Variants in MTMR6 observed in about 807,000 individuals in gnomAD.
MTMR6 encodes the protein myotubularin related protein 6, also known as phosphatidylinositol-3,5-bisphosphate 3-phosphatase MTMR6.
In MTMR6, 47 loss-of-function variants were observed where a neutral mutation model predicts 80.1. The observed-to-expected ratio is 0.59, with a 90% confidence interval of 0.46 to 0.75. The LOEUF is 0.75. Ranked by LOEUF, MTMR6 falls within the 30% of genes least tolerant of loss-of-function variation. MTMR6 has a pLI of 0.00. For missense variants in MTMR6, 629 were observed against 730.9 expected, an observed-to-expected ratio of 0.86 and a Z score of 1.61; for synonymous variants, 254 against 253.0, an observed-to-expected ratio of 1.00 and a Z score of -0.04.
chr13:25,268,781 C>A (rs1272340059), intron 2 of MTMR6, among the ~76,000 whole-genome samples: 1 of 152,136 alleles, frequency 6.6e-6, no homozygotes, highest in Non-Finnish European at 1.5e-5. Flanking sequence ...AAGCCCCATA[C>A]CCTACCGAGT....
Position 25,251,844 on chromosome 13 carries a change from T to C in MTMR6, c.1478+9A>G. 3.1e-6 allele frequency: 5 copies of C among 1,604,660 alleles called. No homozygotes were observed. Among genetic ancestry groups the C allele is most frequent in the Non-Finnish European group, 4.2e-6 (5 of 1,177,576 alleles). ...TTCAAGTATAAATACTCCAATGATG[T>C]CAACTTACTTAAAATTGAAAGATAC... On this transcript the variant is annotated intron_variant, in intron 12 of 13. Transcript: ENST00000381801. The surrounding 1 kb of genome is among the most constrained non-coding windows in gnomAD (Gnocchi z 4.1).
rs577715613 is a variant in MTMR6, at chr13:25,260,683, C to T, written c.726+985G>A. ...TTGTGTAGCCCACCAGCTCTGCATG[C>T]GACGCTATAACAAAAATTAAAAGTA... On this transcript the variant is annotated intron_variant, in intron 6 of 13. Coordinates refer to ENST00000381801, the MANE Select transcript of MTMR6 (RefSeq NM_004685.5). 963 of 1,261,448 alleles carry T rather than the reference C, an allele frequency of 7.6e-4. 8 individuals carry two copies. In the South Asian group the frequency reaches 0.011, roughly 15 times the overall value. 78.1% of individuals were successfully genotyped at this position (1,261,448 alleles called of 1,614,324 possible).
chr13:25,275,022 C>T (rs1328986731), intron 1 of MTMR6, among the ~76,000 whole-genome samples: 3 of 91,064 alleles, frequency 3.3e-5, no homozygotes, highest in Non-Finnish European at 5.3e-5. Context: ...TTGCTGCTGG[C>T]GTGGAGAGTG....
intron 13 of MTMR6, 58 bp from the exon 14 acceptor site, chr13:25,249,550 T>G (rs1566033505): frequency 3.9e-6 from 6 of 1,533,978 alleles, no homozygotes; most frequent in South Asian, 1.2e-5. Flanking sequence ...ATATGTTACA[T>G]GAAAAAAGAA....
intron 9 of MTMR6, among the ~76,000 whole-genome samples, chr13:25,254,883 T>C (rs554216850): frequency 6.6e-6 from 1 of 152,116 alleles, no homozygotes; most frequent in South Asian, 2.1e-4. Context: ...TATACTACTT[T>C]TTTTAAGAAA....
intron 8 of MTMR6, among the ~76,000 whole-genome samples, 195 bp from the exon 9 acceptor site, chr13:25,257,516 A>T (rs1182000880): frequency 1.3e-5 from 2 of 152,070 alleles, no homozygotes; most frequent in Non-Finnish European, 2.9e-5. Context: ...AAAAAAAACA[A>T]AGAAAAAATG....
At chr13:25,261,125 T>C (rs1957326492) in intron 6 of MTMR6, among the ~76,000 whole-genome samples, 1 of 151,610 alleles carries the variant, frequency 6.6e-6, no homozygotes, top group Non-Finnish European at 1.5e-5. Context: ...CTGGTCAACA[T>C]GGTGAAACCC....
chr13:25,285,988 T>A (rs1957947901), intron 1 of MTMR6, among the ~76,000 whole-genome samples: 1 of 152,170 alleles, frequency 6.6e-6, no homozygotes, highest in South Asian at 2.1e-4. Context: ...TCCACTCTAG[T>A]CCTCTTTTCC....
At chr13:25,257,569 T>G (rs1593144458) in intron 8 of MTMR6, among the ~76,000 whole-genome samples, 167 bp downstream of exon 8, 1 of 151,984 alleles carries the variant, frequency 6.6e-6, no homozygotes, top group Admixed American at 6.6e-5. Context: ...GTTTCTACAT[T>G]AAGTGCTACA....
Position 25,287,326 on chromosome 13 carries a change from G to C in MTMR6, c.-79C>G, listed in dbSNP as rs1188854059. The C allele has an allele frequency of 1.5e-5, 23 of 1,526,284 alleles. No individual in the cohort carries two copies. The highest frequency in any genetic ancestry group is 2.7e-5 in the African/African-American group (2 of 72,802). The allele number at this position is 1,526,284 out of a possible 1,614,324, so 94.5% of individuals were successfully genotyped here. On this transcript the variant is annotated 5_prime_UTR_variant, in exon 1 of 14. Transcript: ENST00000381801. Reference sequence around the variant, plus strand: ...GAAACAGGGCGGTGACAGCGACAGAGAGCAAGCGGGAACTCCCTCCACCAG... The same window carrying C: ...GAAACAGGGCGGTGACAGCGACAGACAGCAAGCGGGAACTCCCTCCACCAG...
rs370445501 is a variant in MTMR6 at position 25,287,231 on chromosome 13, G to T, written c.17C>A (p.Thr6Lys). 5 of 1,597,824 alleles carry T rather than the reference G, an allele frequency of 3.1e-6. No individual in the cohort carries two copies. The African/African-American group carries it at 6.7e-5, about 21-fold the overall frequency. The change falls in exon 1 of 14, where the codon ACG becomes AAG. Residue 6 changes from threonine (T) to lysine (K), a missense_variant. Physicochemically the swap from Thr to Lys is moderately conservative, Grantham distance 78. Coordinates refer to ENST00000381801, the MANE Select transcript of MTMR6 (RefSeq NM_004685.5). MEHIR[T>K]TKVEQVKLLD... ...GATCCCGCGCCCGACTACCTTGGTC[G>T]TCCGGATATGCTCCATCGCAAGGAG...
At chr13:25,255,465 C>T (rs1230197734) in intron 9 of MTMR6, among the ~76,000 whole-genome samples, 9 of 152,156 alleles carry the variant, frequency 5.9e-5, no homozygotes. Context: ...GGAAATCATC[C>T]CAGAGGAAGA....
chr13:25,267,758 T>G (rs2137575437), intron 3 of MTMR6, 21 bp downstream of exon 3: 1 of 1,601,036 alleles, frequency 6.2e-7, no homozygotes, highest in East Asian at 2.2e-5. Context: ...GCATGTAAGC[T>G]TTGGTCTCTA....
intron 6 of MTMR6, among the ~76,000 whole-genome samples, chr13:25,259,835 T>C (rs1957292636): frequency 6.6e-6 from 1 of 152,120 alleles, no homozygotes. Flanking sequence ...AAGTCTTTTA[T>C]TTTTAATAAA....
In MTMR6 at chr13:25,287,227, G is replaced by C; in HGVS notation, c.21C>G (p.Thr7=). Residue 7 remains threonine, a synonymous_variant, in exon 1 of 14, where the codon ACC becomes ACG. Coordinates refer to ENST00000381801, the MANE Select transcript of MTMR6 (RefSeq NM_004685.5). ...TGGCGATCCCGCGCCCGACTACCTTGGTCGTCCGGATATGCTCCATCGCAA... is the reference window on the plus strand; with the variant it reads ...TGGCGATCCCGCGCCCGACTACCTTCGTCGTCCGGATATGCTCCATCGCAA... MEHIRT[T]KVEQVKLLDR... The C allele has an allele frequency of 6.3e-7, 1 of 1,598,258 alleles. No homozygotes were observed. Among genetic ancestry groups the C allele is most frequent in the Non-Finnish European group, 8.5e-7 (1 of 1,174,992 alleles).
At chr13:25,265,309 CT>C (rs1957432218) in intron 5 of MTMR6, among the ~76,000 whole-genome samples, 1 of 152,044 alleles carries the variant, frequency 6.6e-6, no homozygotes, top group Non-Finnish European at 1.5e-5. Flanking sequence ...CAAGTCACTG[CT>C]GGAAGGAAGG....
In MTMR6 at chr13:25,249,172, A is replaced by C; in HGVS notation, c.*60T>G. The stretch of plus-strand genomic sequence containing the variant: ...AAATTCCTTTTGGTTATGCTTACAG[A>C]CCATCCTCACAATAATCCTTTTCTT... On this transcript the variant is annotated 3_prime_UTR_variant, in exon 14 of 14. Coordinates refer to ENST00000381801, the MANE Select transcript of MTMR6 (RefSeq NM_004685.5). 6.4e-7 allele frequency: 1 copy of C among 1,565,342 alleles called. No individual in the cohort carries two copies. Among genetic ancestry groups the C allele is most frequent in the Non-Finnish European group, 8.7e-7 (1 of 1,150,534 alleles).
intron 1 of MTMR6, among the ~76,000 whole-genome samples, chr13:25,280,357 CACA>C (rs1244438593): frequency 1.3e-5 from 2 of 152,092 alleles, no homozygotes; most frequent in Admixed American, 1.3e-4. Flanking sequence ...GAAATCATTC[CACA>C]ACATTTATTT....
intron 13 of MTMR6, among the ~76,000 whole-genome samples, chr13:25,249,893 GTTTTTCTTACA>G (rs1282270644): frequency 6.6e-6 from 1 of 152,206 alleles, no homozygotes; most frequent in African/African-American, 2.4e-5. Flanking sequence ...ACTATATAGA[GTTTTTCTTACA>G]TGGTTTTCCT....
Sources: allele counts gnomAD v4.1 joint callset (sites outside exome capture counted in the v4.1 genomes callset), GRCh38; gene constraint gnomAD v4.1.1; non-coding constraint Gnocchi (gnomAD v3.1); transcripts MANE v1.5; gene names NCBI Gene and HGNC (gene_info 2026-07-23, HGNC 2026-07-21).